XKR4: variants seen among roughly 807,000 people sequenced by gnomAD.
The protein encoded by XKR4 is XK related 4.
XKR4 carries 12 observed loss-of-function variants against 53.9 expected under a neutral mutation model. The observed-to-expected ratio is 0.22, with a 90% CI of 0.14 to 0.36. XKR4 has a LOEUF of 0.36. XKR4 is among the 10% of genes least tolerant of loss of function. The pLI, the probability that XKR4 is intolerant of heterozygous loss-of-function variation, is 1.00. For synonymous variants in XKR4, 354 were observed against 362.4 expected (o/e 0.98, Z 0.26); for missense variants, 799 against 859.5 (o/e 0.93, Z 0.88).
At chr8:55,350,342 A>G (rs1393038036) in intron 1 of XKR4, among the ~76,000 whole-genome samples, 1 of 152,212 alleles carries the variant, frequency 6.6e-6, no homozygotes, top group Non-Finnish European at 1.5e-5. Context: ...CCAGGCTGGT[A>G]GATGGAACCT....
intron 2 of XKR4, among the ~76,000 whole-genome samples, chr8:55,469,373 C>G (rs1463245503): frequency 6.6e-6 from 1 of 152,064 alleles, no homozygotes; most frequent in Non-Finnish European, 1.5e-5. Context: ...CATGCTTATG[C>G]CCAGTGTCTT....
intron 2 of XKR4, among the ~76,000 whole-genome samples, chr8:55,495,604 G>A (rs1806332528): frequency 6.6e-6 from 1 of 152,222 alleles, no homozygotes; most frequent in South Asian, 2.1e-4. Flanking sequence ...GTGGATTTGA[G>A]GATTGTCTCC....
In XKR4 at chr8:55,102,302, G is replaced by A. The variant is rs1174556453; in HGVS notation, c.-187G>A. ...CCGGCCCCAGGCGCGCCGCTAGCCC[G>A]GCCCAGCGCCCAGCCCGGCGGGCGG... On this transcript the variant is annotated 5_prime_UTR_variant, in exon 1 of 3. Coordinates refer to ENST00000327381, the MANE Select transcript of XKR4 (RefSeq NM_052898.2). The surrounding 1 kb of genome is among the most constrained non-coding windows in gnomAD (Gnocchi z 5.1). The A allele has an allele frequency of 1.3e-6, 1 of 799,324 alleles. No individual in the cohort carries two copies. The highest frequency in any genetic ancestry group is 1.5e-6 in the Non-Finnish European group (1 of 657,024). 49.5% of individuals were successfully genotyped at this position (799,324 alleles called of 1,614,324 possible).
intron 2 of XKR4, among the ~76,000 whole-genome samples, chr8:55,427,902 C>A (rs1017025656): frequency 6.6e-6 from 1 of 152,164 alleles, no homozygotes; most frequent in South Asian, 2.1e-4. Context: ...CCCTAATCTG[C>A]AGATGAGCTC....
chr8:55,300,987 T>A (rs532035342), intron 1 of XKR4, among the ~76,000 whole-genome samples: 8 of 152,246 alleles, frequency 5.3e-5, no homozygotes, highest in African/African-American at 1.7e-4. Context: ...CACTTTATTT[T>A]TTTATTTATT....
chr8:55,336,395 T>C (rs2129381480), intron 1 of XKR4, among the ~76,000 whole-genome samples: 1 of 152,320 alleles, frequency 6.6e-6, no homozygotes, highest in Middle Eastern at 3.4e-3. Context: ...CCTCTTTTTC[T>C]TCCCAGTTTT....
intron 2 of XKR4, among the ~76,000 whole-genome samples, chr8:55,495,653 A>T (rs1485133381): frequency 6.6e-6 from 1 of 152,198 alleles, no homozygotes; most frequent in Non-Finnish European, 1.5e-5. Context: ...GGTGGATGAT[A>T]GTAGTGACGT....
At position 55,534,363 on chromosome 8, in the gene XKR4, C is replaced by CGTTTTTTTTTTT. The variant is rs1418801179; in HGVS notation, c.*10136_*10137insGTTTTTTTTTTT. On this transcript the variant is annotated 3_prime_UTR_variant, in exon 3 of 3. Coordinates refer to ENST00000327381, the MANE Select transcript of XKR4 (RefSeq NM_052898.2). The stretch of plus-strand genomic sequence containing the variant: ...GCTCAAAGATCACGAATCTGATATT[C>CGTTTTTTTTTTT]TTTTTTTTTTTTTTTTTTTTTTTTT... The CGTTTTTTTTTTT allele has an allele frequency of 8.5e-5, 4 of 47,122 alleles. No individual in the cohort carries two copies. The highest frequency in any genetic ancestry group is 1.5e-4 in the Non-Finnish European group (4 of 26,622). The allele number at this position is 47,122 out of a possible 1,614,324, so 2.9% of individuals were successfully genotyped here.
chr8:55,215,544 A>G (rs1463005099), intron 1 of XKR4, among the ~76,000 whole-genome samples: 1 of 152,230 alleles, frequency 6.6e-6, no homozygotes, highest in Non-Finnish European at 1.5e-5. Flanking sequence ...TCATCTTTAG[A>G]ACACAAGAAT....
chr8:55,508,205 G>C (rs10112700), intron 2 of XKR4, among the ~76,000 whole-genome samples: 4,704 of 152,096 alleles, frequency 0.031, 251 homozygotes, highest in African/African-American at 0.11. Flanking sequence ...AGGAATGCAC[G>C]TTGGATTCTT....
At chr8:55,355,006 T>C (rs1713644207) in intron 1 of XKR4, among the ~76,000 whole-genome samples, 1 of 151,352 alleles carries the variant, frequency 6.6e-6, no homozygotes, top group African/African-American at 2.4e-5. Flanking sequence ...TGGGTTCAAG[T>C]GATTCTCCCG....
chr8:55,111,023 A>C (rs1198904241), intron 1 of XKR4, among the ~76,000 whole-genome samples: 2 of 152,188 alleles, frequency 1.3e-5, no homozygotes, highest in Non-Finnish European at 2.9e-5. Context: ...ACCCTAAAAT[A>C]GACGGAGAGG....
intron 2 of XKR4, among the ~76,000 whole-genome samples, chr8:55,371,023 G>A (rs1279484976): frequency 6.6e-6 from 1 of 151,144 alleles, no homozygotes; most frequent in Non-Finnish European, 1.5e-5. Context: ...AGAAGTCAAT[G>A]TGCTGTGTCC....
intron 1 of XKR4, among the ~76,000 whole-genome samples, chr8:55,197,771 C>T (rs1250869614): frequency 6.6e-6 from 1 of 152,122 alleles, no homozygotes; most frequent in African/African-American, 2.4e-5. Context: ...TCTTGATCTC[C>T]TGACCTCGTG....
At chr8:55,294,793 G>T (rs1819078984) in intron 1 of XKR4, among the ~76,000 whole-genome samples, 1 of 152,128 alleles carries the variant, frequency 6.6e-6, no homozygotes, top group African/African-American at 2.4e-5. Context: ...GTGAGTGTTT[G>T]CAGCCTTTGT....
chr8:55,214,045 A>G lies in XKR4; in HGVS notation c.806+110751A>G, dbSNP rs137908274. ...CCTGGCTAATTTTTGTATTTTCAGT[A>G]GAGACAGGGTTTCACCATGTTGGCC... On this transcript the variant is annotated intron_variant, in intron 1 of 2. Coordinates refer to ENST00000327381, the MANE Select transcript of XKR4 (RefSeq NM_052898.2). 3.9e-3 allele frequency among the ~76,000 whole-genome samples: 595 copies of G among 151,758 alleles called. 1 individual carries two copies. Among genetic ancestry groups the G allele is most frequent in the Non-Finnish European group, 6.5e-3 (442 of 67,866 alleles).
chr8:55,455,889 G>T (rs1027491186), intron 2 of XKR4, among the ~76,000 whole-genome samples: 8 of 152,172 alleles, frequency 5.3e-5, no homozygotes, highest in African/African-American at 1.9e-4. Context: ...AATCTTGACT[G>T]ATCTCTGAGT....
At chr8:55,455,779 G>A (rs1805560676) in intron 2 of XKR4, among the ~76,000 whole-genome samples, 1 of 152,194 alleles carries the variant, frequency 6.6e-6, no homozygotes, top group Non-Finnish European at 1.5e-5. Flanking sequence ...GCAGACTTGA[G>A]AATGGGAGGA....
chr8:55,491,329 G>A (rs2129402213), intron 2 of XKR4, among the ~76,000 whole-genome samples: 1 of 152,042 alleles, frequency 6.6e-6, no homozygotes, highest in African/African-American at 2.4e-5. Context: ...TTTTCTCTGG[G>A]TTATTGGTCA....
Sources: gnomAD v4.1 joint callset for allele counts (sites outside exome capture counted in the v4.1 genomes callset) on GRCh38, gnomAD v4.1.1 for gene constraint, Gnocchi (gnomAD v3.1) non-coding constraint, MANE v1.5 for transcripts, NCBI Gene and HGNC (gene_info 2026-07-23, HGNC 2026-07-21) for gene names.